DHRSX: variants seen among roughly 807,000 people sequenced by gnomAD.
DHRSX encodes the protein dehydrogenase/reductase X-linked.
A neutral mutation model predicts 34.0 loss-of-function variants in DHRSX; 31 were observed. The ratio of observed to expected loss-of-function variants is 0.91; its 90% CI spans 0.69 to 1.23. The LOEUF is 1.23. Ranked by LOEUF, DHRSX falls within the 50% of genes most tolerant of loss-of-function variation. The probability of loss-of-function intolerance (pLI) is 0.00; values close to 1 mark genes in which losing one functional copy is unlikely to be tolerated. For missense variants in DHRSX, 414 were observed against 428.1 expected, an observed-to-expected ratio of 0.97 and a Z score of 0.29; for synonymous variants, 201 against 183.8, an observed-to-expected ratio of 1.09 and a Z score of -0.76.
intron 3 of DHRSX, among the ~76,000 whole-genome samples, chrX:2,314,397 A>AGAG (rs1345811093): frequency 2.3e-5 from 1 of 43,638 alleles, no homozygotes; most frequent in African/African-American, 8.9e-5. Context: ...GGAAGGAAGG[A>AGAG]AGGGAAAGAA....
chrX:2,419,108 T>C (rs1261372000), intron 2 of DHRSX, among the ~76,000 whole-genome samples: 1 of 152,148 alleles, frequency 6.6e-6, no homozygotes, highest in Non-Finnish European at 1.5e-5. Flanking sequence ...AACTGAATGT[T>C]TGTATCCCTC....
intron 1 of DHRSX, among the ~76,000 whole-genome samples, chrX:2,455,680 G>T (rs926785892): frequency 1.4e-5 from 2 of 147,072 alleles, no homozygotes; most frequent in Non-Finnish European, 3.0e-5. Context: ...GACGGAGGTT[G>T]CAGTGAGCCG....
intron 1 of DHRSX, among the ~76,000 whole-genome samples, chrX:2,485,654 A>C: frequency 2.1e-5 from 1 of 47,702 alleles, no homozygotes; most frequent in Non-Finnish European, 3.6e-5. Context: ...GGAGGGAGGG[A>C]GGGATGGGGG....
intron 3 of DHRSX, among the ~76,000 whole-genome samples, chrX:2,375,255 C>A (rs1181947732): frequency 7.2e-6 from 1 of 138,074 alleles, no homozygotes; most frequent in Non-Finnish European, 1.7e-5. Context: ...CAGGTGCGTT[C>A]TCAAATCTCC....
intron 1 of DHRSX, among the ~76,000 whole-genome samples, chrX:2,433,393 T>C (rs2043951899): frequency 6.6e-6 from 1 of 152,094 alleles, no homozygotes; most frequent in South Asian, 2.1e-4. Flanking sequence ...ATTGAAATAC[T>C]ATTTCTTTTT....
rs113854476 is a variant in DHRSX at position 2,302,392 on chromosome X, G to A, written c.287-10789C>T. On this transcript the variant is annotated intron_variant, in intron 3 of 6. Transcript: ENST00000334651. ...TTTGGGAGGCCAAAGCGGGCGGATC[G>A]CTTGAGGTCAGGAGCTCAAGACCAG... 7.2e-5 allele frequency among the ~76,000 whole-genome samples: 11 copies of A among 151,994 alleles called. 1 individual carries two copies. Among genetic ancestry groups the A allele is most frequent in the African/African-American group, 2.7e-4 (11 of 41,360 alleles).
At chrX:2,261,081 A>G (rs145058289) in intron 5 of DHRSX, among the ~76,000 whole-genome samples, 39,778 of 151,584 alleles carry the variant, frequency 0.26, 6,996 homozygotes, top group African/African-American at 0.48. Flanking sequence ...GTGGTGGTGC[A>G]TGCCTGTAAT....
intron 3 of DHRSX, among the ~76,000 whole-genome samples, chrX:2,336,944 T>C (rs2042575682): frequency 6.6e-6 from 1 of 152,080 alleles, no homozygotes; most frequent in Admixed American, 6.6e-5. Flanking sequence ...GCTGGTTTCC[T>C]GCACCCATCA....
At chrX:2,407,857 A>G (rs59614083) in intron 3 of DHRSX, among the ~76,000 whole-genome samples, 17,892 of 152,206 alleles carry the variant, frequency 0.12, 3,114 homozygotes, top group African/African-American at 0.38. Flanking sequence ...TAGCTATACT[A>G]AAAGCCCAGA....
At chrX:2,439,833 A>G (rs2044041274) in intron 1 of DHRSX, among the ~76,000 whole-genome samples, 1 of 152,170 alleles carries the variant, frequency 6.6e-6, no homozygotes, top group Non-Finnish European at 1.5e-5. Flanking sequence ...AATATGAGCT[A>G]TGGGGAGCAG....
intron 3 of DHRSX, among the ~76,000 whole-genome samples, chrX:2,382,698 A>C: frequency 6.7e-6 from 1 of 149,560 alleles, no homozygotes; most frequent in African/African-American, 2.5e-5. Flanking sequence ...CATCACCATC[A>C]TCACCATCAC....
At chrX:2,262,284 C>T (rs191649199) in intron 5 of DHRSX, among the ~76,000 whole-genome samples, 2 of 152,366 alleles carry the variant, frequency 1.3e-5, no homozygotes, top group Non-Finnish European at 2.9e-5. Context: ...CCTCTGGGTG[C>T]TGTCATGCAT....
At chrX:2,470,960 A>C (rs1469839785) in intron 1 of DHRSX, among the ~76,000 whole-genome samples, 1 of 152,260 alleles carries the variant, frequency 6.6e-6, no homozygotes, top group African/African-American at 2.4e-5. Flanking sequence ...TATGTTAATT[A>C]GCCTGATTAT....
chrX:2,224,347 C>T (rs1353323924), intron 6 of DHRSX, among the ~76,000 whole-genome samples: 1 of 152,174 alleles, frequency 6.6e-6, no homozygotes, highest in African/African-American at 2.4e-5. Flanking sequence ...CCCCTGTGGG[C>T]AGTGTCTGGG....
At chrX:2,396,535 G>T (rs894302712) in intron 3 of DHRSX, among the ~76,000 whole-genome samples, 1 of 151,420 alleles carries the variant, frequency 6.6e-6, no homozygotes, top group East Asian at 1.9e-4. Flanking sequence ...CCGCCACCAC[G>T]CCTGGCTAAT....
chrX:2,454,264 C>T (rs2044266174), intron 1 of DHRSX, among the ~76,000 whole-genome samples: 1 of 152,104 alleles, frequency 6.6e-6, no homozygotes, highest in Admixed American at 6.6e-5. Flanking sequence ...CTGTGACTCA[C>T]GCCTGTCATC....
intron 3 of DHRSX, among the ~76,000 whole-genome samples, chrX:2,400,144 C>T (rs969274378): frequency 2.6e-5 from 4 of 152,142 alleles, no homozygotes; most frequent in African/African-American, 9.7e-5. Flanking sequence ...TAATCGTTGG[C>T]GAACACATTC....
Position 2,489,252 on chromosome X carries a change from G to T in DHRSX, c.109+11565C>A, listed in dbSNP as rs751355986. The T allele has an allele frequency of 4.3e-6, 7 of 1,613,788 alleles. No individual in the cohort carries two copies. In the East Asian group the frequency reaches 1.6e-4, roughly 36 times the overall value. On this transcript the variant is annotated intron_variant, in intron 1 of 6. Coordinates refer to ENST00000334651, the MANE Select transcript of DHRSX (RefSeq NM_145177.3). ...ACCACGCGATTCTCCACCTGCTGCC[G>T]CTCGAAGGCGGAGAGGAAGGGCAGC...
At chrX:2,267,520 G>A (rs113336741) in intron 4 of DHRSX, among the ~76,000 whole-genome samples, 36,024 of 149,802 alleles carry the variant, frequency 0.24, 5,477 homozygotes, top group African/African-American at 0.41. Flanking sequence ...ACTCCAGCCT[G>A]GTGACAGAGC....
Sources: gnomAD v4.1 joint callset for allele counts (sites outside exome capture counted in the v4.1 genomes callset) on GRCh38, gnomAD v4.1.1 for gene constraint, MANE v1.5 for transcripts, NCBI Gene and HGNC (gene_info 2026-07-23, HGNC 2026-07-21) for gene names.